SEC14L5: variants seen among roughly 807,000 people sequenced by gnomAD.
SEC14L5 encodes SEC14 like lipid binding 5.
Under a neutral mutation model 84.6 loss-of-function variants are expected in SEC14L5, and 96 were observed. That is an observed-to-expected ratio of 1.13 (90% CI 0.96 to 1.34). SEC14L5 has a LOEUF of 1.34. SEC14L5 is among the 40% of genes most tolerant of loss of function. SEC14L5 has a pLI of 0.00. For synonymous variants in SEC14L5, 546 were observed against 383.4 expected, an observed-to-expected ratio of 1.42 and a Z score of -4.95; for missense variants, 1,224 against 942.5, an observed-to-expected ratio of 1.30 and a Z score of -3.91.
intron 2 of SEC14L5, among the ~76,000 whole-genome samples, chr16:4,985,710 T>C (rs1955478369): frequency 1.3e-5 from 2 of 151,792 alleles, no homozygotes; most frequent in Non-Finnish European, 2.9e-5. Context: ...CTTATGCCAG[T>C]ATCACACTGT....
rs1294701839 is a variant in SEC14L5 at position 5,007,342 on chromosome 16, T to C, written c.1438-10T>C. 1 of 1,613,116 alleles carries C rather than the reference T, an allele frequency of 6.2e-7. No individual in the cohort carries two copies. The highest frequency in any genetic ancestry group is 1.1e-5 in the South Asian group (1 of 90,936). On this transcript the variant is annotated splice_polypyrimidine_tract_variant and intron_variant, in intron 12 of 15. Transcript: ENST00000251170. ...GCCCTGACCTGCTGCCCTTTATCTC[T>C]GACCTGCAGTGTAATGTCCCCGAAG... is the stretch of plus-strand genomic sequence containing the variant.
intron 2 of SEC14L5, 32 bp from the exon 3 acceptor site, chr16:4,987,525 A>G: frequency 1.5e-6 from 2 of 1,292,312 alleles, no homozygotes; most frequent in South Asian, 2.9e-5. Context: ...TGCCCCCCCC[A>G]CCACGGCCGC....
intron 12 of SEC14L5, 55 bp from the exon 13 acceptor site, chr16:5,007,297 G>C: frequency 6.3e-7 from 1 of 1,579,420 alleles, no homozygotes; most frequent in Non-Finnish European, 8.6e-7. Flanking sequence ...CTGTGGGTCA[G>C]GCCAGCCAGG....
At chr16:4,969,175 C>G (rs940807185) in intron 2 of SEC14L5, among the ~76,000 whole-genome samples, 1 of 152,234 alleles carries the variant, frequency 6.6e-6, no homozygotes, top group Non-Finnish European at 1.5e-5. Context: ...CACTGCCCTG[C>G]ATAGTTGTCT....
chr16:5,008,337 C>G (rs1955757126), intron 13 of SEC14L5, 84 bp from the exon 14 acceptor site: 1 of 989,498 alleles, frequency 1.0e-6, no homozygotes, highest in Non-Finnish European at 1.6e-6. Flanking sequence ...CAGGGGGCAC[C>G]CACAGCCCCT....
In SEC14L5 at chr16:4,996,847, T is replaced by A. The variant is rs1367153684; in HGVS notation, c.781-8T>A. ...GTTCTGTGGGCTTTTTACTTCTTTG[T>A]CTCTCAGATTCCCAAAGATGAGCAC... On this transcript the variant is annotated splice_region_variant and splice_polypyrimidine_tract_variant and intron_variant, in intron 7 of 15. Transcript: ENST00000251170. 1.9e-6 allele frequency: 3 copies of A among 1,604,162 alleles called. No individual in the cohort carries two copies. In the African/African-American group the frequency reaches 4.0e-5, roughly 22 times the overall value.
In SEC14L5 at chr16:4,984,106, CG is replaced by C. The variant is rs2142498898; in HGVS notation, c.64-3450del. 2.0e-5 allele frequency among the ~76,000 whole-genome samples: 3 copies of C among 152,156 alleles called. 1 individual carries two copies. In the South Asian group the frequency reaches 6.2e-4, roughly 32 times the overall value. On this transcript the variant is annotated intron_variant, in intron 2 of 15. Coordinates refer to ENST00000251170, the MANE Select transcript of SEC14L5 (RefSeq NM_014692.2). ...ATTCATAATATTGTGCAAGCTTCAC[CG>C]CAATCAGCTTTAGAATAGTCTCATT... is the stretch of plus-strand genomic sequence containing the variant.
chr16:4,989,691 C>T (rs902733437), intron 4 of SEC14L5, among the ~76,000 whole-genome samples: 1 of 152,168 alleles, frequency 6.6e-6, no homozygotes, highest in African/African-American at 2.4e-5. Context: ...TTGGGTCCTC[C>T]AGGAGCTTGG....
chr16:4,979,164 C>T (rs1430626052), intron 2 of SEC14L5, among the ~76,000 whole-genome samples: 1 of 152,154 alleles, frequency 6.6e-6, no homozygotes, highest in East Asian at 1.9e-4. Flanking sequence ...GGAACAAGGG[C>T]ACAGGGAGGG....
intron 2 of SEC14L5, among the ~76,000 whole-genome samples, chr16:4,964,934 T>C: frequency 6.6e-6 from 1 of 152,054 alleles, no homozygotes; most frequent in South Asian, 2.1e-4. Flanking sequence ...TTTCACCGTG[T>C]TGGTCAGGCT....
intron 10 of SEC14L5, 65 bp from the exon 11 acceptor site, chr16:5,003,337 G>C: frequency 1.6e-6 from 2 of 1,288,312 alleles, no homozygotes; most frequent in Non-Finnish European, 2.2e-6. Flanking sequence ...ATCCCCTGTG[G>C]GGAGGGTGTT....
intron 14 of SEC14L5, among the ~76,000 whole-genome samples, chr16:5,008,965 A>G (rs948295927): frequency 1.3e-5 from 2 of 152,206 alleles, no homozygotes; most frequent in Non-Finnish European, 2.9e-5. Context: ...ATCCAACTGT[A>G]TTTGTTTCTT....
intron 8 of SEC14L5, among the ~76,000 whole-genome samples, chr16:5,000,249 C>G (rs1053919360): frequency 6.6e-6 from 1 of 152,132 alleles, no homozygotes; most frequent in Non-Finnish European, 1.5e-5. Context: ...CGAGATCGCA[C>G]CACTGCACTC....
At chr16:4,996,269 TA>T in intron 6 of SEC14L5, 78 bp from the exon 7 acceptor site, 2 of 860,264 alleles carry the variant, frequency 2.3e-6, no homozygotes, top group Non-Finnish European at 3.7e-6. Context: ...AGGCAGCCAG[TA>T]AGGAATGGCA....
intron 8 of SEC14L5, among the ~76,000 whole-genome samples, chr16:4,998,242 A>C (rs1955634389): frequency 6.6e-6 from 1 of 151,200 alleles, no homozygotes; most frequent in South Asian, 2.1e-4. Context: ...CCTGACCTCA[A>C]GTGATCCGCC....
In SEC14L5 at chr16:5,017,543, C is replaced by A. The variant is rs1168296486; in HGVS notation, c.*2573C>A. On this transcript the variant is annotated 3_prime_UTR_variant, in exon 16 of 16. Coordinates refer to ENST00000251170, the MANE Select transcript of SEC14L5 (RefSeq NM_014692.2). ...ATTCACACTCTAAGAGATGCTTTTC[C>A]ATCTCAAATCTCATGGAAGGCTCTG... 6.6e-6 allele frequency: 1 copy of A among 152,256 alleles called. No homozygotes were observed. The highest frequency in any genetic ancestry group is 1.5e-5 in the Non-Finnish European group (1 of 68,056). The allele number at this position is 152,256 out of a possible 1,614,324, so 9.4% of individuals were successfully genotyped here.
intron 2 of SEC14L5, among the ~76,000 whole-genome samples, chr16:4,977,018 G>T (rs549241523): frequency 1.3e-5 from 2 of 152,214 alleles, no homozygotes; most frequent in East Asian, 3.9e-4. Flanking sequence ...GGTATGAAAG[G>T]CACAGGGGCT....
chr16:5,002,512 G>GT (rs1955688068), intron 10 of SEC14L5, among the ~76,000 whole-genome samples: 2 of 152,084 alleles, frequency 1.3e-5, no homozygotes, highest in Non-Finnish European at 2.9e-5. Context: ...GGCCAGGCTG[G>GT]TCTCTAGAGA....
rs532586823 is a variant in SEC14L5, at chr16:4,979,798, C to G, written c.64-7759C>G. ...AGACAGAACCTGAGGTTGGTTTCTGCCGAGGTCCCTCCATCCCCTTCCCTG... is the reference window on the plus strand; with the variant it reads ...AGACAGAACCTGAGGTTGGTTTCTGGCGAGGTCCCTCCATCCCCTTCCCTG... On this transcript the variant is annotated intron_variant, in intron 2 of 15. Transcript: ENST00000251170. Among the ~76,000 whole-genome samples, 7 of 152,280 alleles carry G rather than the reference C, an allele frequency of 4.6e-5. No individual in the cohort carries two copies. In the South Asian group the frequency reaches 1.5e-3, roughly 32 times the overall value.
Sources: allele counts gnomAD v4.1 joint callset (sites outside exome capture counted in the v4.1 genomes callset), GRCh38; gene constraint gnomAD v4.1.1; transcripts MANE v1.5; gene names NCBI Gene and HGNC (gene_info 2026-07-23, HGNC 2026-07-21).